CSMD1: variants seen among roughly 807,000 people sequenced by gnomAD.
CSMD1 encodes CUB and sushi domain-containing protein 1.
In CSMD1, 213 loss-of-function variants were observed where a neutral mutation model predicts 417.5. The observed-to-expected ratio is 0.51, with a 90% CI of 0.46 to 0.57. The LOEUF (loss-of-function observed/expected upper bound fraction) is 0.57. Ranked by LOEUF, CSMD1 falls within the 20% of genes least tolerant of loss-of-function variation. The probability of loss-of-function intolerance (pLI) is 0.00; values close to 1 mark genes in which losing one functional copy is unlikely to be tolerated. For synonymous variants in CSMD1, 2,862 were observed against 1,736.8 expected (o/e 1.65, Z -16.11); for missense variants, 6,923 against 4,529.7 (o/e 1.53, Z -15.17).
At chr8:3,047,505 G>T (rs1467276054) in intron 50 of CSMD1, among the ~76,000 whole-genome samples, 2 of 152,116 alleles carry the variant, frequency 1.3e-5, no homozygotes, top group Admixed American at 1.3e-4. Context: ...CTCAGTGAGG[G>T]GTTGCGAGTA....
intron 1 of CSMD1, among the ~76,000 whole-genome samples, chr8:4,855,617 G>A (rs1801752128): frequency 6.6e-6 from 1 of 152,220 alleles, no homozygotes; most frequent in Non-Finnish European, 1.5e-5. Context: ...CGTGAAGAAT[G>A]CAGAAGCCTC....
At chr8:4,317,131 T>C (rs1375714714) in intron 3 of CSMD1, among the ~76,000 whole-genome samples, 2 of 152,190 alleles carry the variant, frequency 1.3e-5, no homozygotes, top group Non-Finnish European at 2.9e-5. Context: ...ATCATCATCA[T>C]CTAAGGTTGA....
intron 5 of CSMD1, among the ~76,000 whole-genome samples, chr8:3,937,194 A>T (rs2129719985): frequency 6.6e-6 from 1 of 152,328 alleles, no homozygotes; most frequent in East Asian, 1.9e-4. Context: ...TGCTGTGAAC[A>T]TTGTTGAAAT....
chr8:4,076,836 G>T (rs924393911), intron 3 of CSMD1, among the ~76,000 whole-genome samples: 38 of 152,066 alleles, frequency 2.5e-4, no homozygotes, highest in African/African-American at 8.9e-4. Flanking sequence ...TGCTTTAACT[G>T]CTAACTTAAG....
At chr8:4,960,470 C>T (rs187507353) in intron 1 of CSMD1, among the ~76,000 whole-genome samples, 3 of 152,120 alleles carry the variant, frequency 2.0e-5, no homozygotes, top group African/African-American at 7.2e-5. Flanking sequence ...AAACAAAGTA[C>T]CAAACTAAGC....
intron 6 of CSMD1, among the ~76,000 whole-genome samples, chr8:3,736,374 T>G (rs1050633569): frequency 6.6e-6 from 1 of 152,024 alleles, no homozygotes; most frequent in Admixed American, 6.6e-5. Context: ...TCCAAGAAGC[T>G]GAGACACAGG....
At chr8:3,804,983 A>G (rs1379440524) in intron 5 of CSMD1, among the ~76,000 whole-genome samples, 5 of 152,144 alleles carry the variant, frequency 3.3e-5, no homozygotes, top group African/African-American at 1.2e-4. Flanking sequence ...TGTTCGTTCC[A>G]CTTTCACAGT....
At chr8:4,912,636 T>C (rs1026913617) in intron 1 of CSMD1, among the ~76,000 whole-genome samples, 11 of 152,312 alleles carry the variant, frequency 7.2e-5, no homozygotes, top group Admixed American at 5.9e-4. Flanking sequence ...CCTTTGTAAA[T>C]ACCTGTGACA....
At chr8:3,822,657 TTA>T (rs1801803770) in intron 5 of CSMD1, among the ~76,000 whole-genome samples, 1 of 152,166 alleles carries the variant, frequency 6.6e-6, no homozygotes, top group African/African-American at 2.4e-5. Context: ...CCGTCTTCAT[TTA>T]TGTCTTCTCA....
chr8:4,797,009 T>C (rs1229723644), intron 1 of CSMD1, among the ~76,000 whole-genome samples: 1 of 152,174 alleles, frequency 6.6e-6, no homozygotes, highest in Non-Finnish European at 1.5e-5. Flanking sequence ...GTACATCTTA[T>C]TCCATAAAGA....
chr8:3,918,269 G>C (rs1462134631), intron 5 of CSMD1, among the ~76,000 whole-genome samples: 1 of 151,918 alleles, frequency 6.6e-6, no homozygotes, highest in Non-Finnish European at 1.5e-5. Context: ...GTTGTTTTTA[G>C]CAGCCTACAA....
intron 3 of CSMD1, among the ~76,000 whole-genome samples, chr8:4,362,017 A>T (rs976720081): frequency 2.0e-5 from 3 of 152,146 alleles, no homozygotes; most frequent in Admixed American, 2.0e-4. Flanking sequence ...GATTAAGAAA[A>T]AGCAAGACAA....
intron 1 of CSMD1, among the ~76,000 whole-genome samples, chr8:4,732,682 T>C (rs898029723): frequency 3.9e-5 from 6 of 152,142 alleles, no homozygotes; most frequent in South Asian, 4.1e-4. Context: ...CCCAGCTGTA[T>C]CCTTGCTCTG....
In CSMD1 at chr8:3,860,326, C is replaced by T. The variant is rs1395372950; in HGVS notation, c.819-106284G>A. Among the ~76,000 whole-genome samples, 6 of 152,198 alleles carry T rather than the reference C, an allele frequency of 3.9e-5. 1 individual carries two copies. Among genetic ancestry groups the T allele is most frequent in the Admixed American group, 1.3e-4 (2 of 15,276 alleles). ...AAACAAAGATCTTTTAGAATTTCAA[C>T]ACAGCCAGCAAGTATAGGGCAATTT... is the stretch of plus-strand genomic sequence containing the variant. On this transcript the variant is annotated intron_variant, in intron 5 of 69. Coordinates refer to ENST00000635120, the MANE Select transcript of CSMD1 (RefSeq NM_033225.6).
intron 3 of CSMD1, among the ~76,000 whole-genome samples, chr8:4,130,304 T>G (rs900455781): frequency 6.6e-6 from 1 of 152,200 alleles, no homozygotes; most frequent in Non-Finnish European, 1.5e-5. Flanking sequence ...TATTCTGGTA[T>G]AATCCCCAAA....
intron 3 of CSMD1, among the ~76,000 whole-genome samples, chr8:4,271,512 G>A (rs1250123211): frequency 6.6e-6 from 1 of 151,490 alleles, no homozygotes; most frequent in Non-Finnish European, 1.5e-5. Context: ...AAAATCAGGA[G>A]ATCTAAAATG....
chr8:3,090,039 C>A (rs1033787395), intron 48 of CSMD1, among the ~76,000 whole-genome samples: 2 of 152,052 alleles, frequency 1.3e-5, no homozygotes, highest in Admixed American at 6.5e-5. Flanking sequence ...ATCGGCCGGG[C>A]GCGGTGGCTT....
intron 5 of CSMD1, among the ~76,000 whole-genome samples, chr8:3,873,195 T>C (rs1805597297): frequency 1.3e-5 from 2 of 152,142 alleles, no homozygotes; most frequent in African/African-American, 4.8e-5. Context: ...CAGCAATCCC[T>C]TTACTGGCTA....
intron 1 of CSMD1, among the ~76,000 whole-genome samples, chr8:4,875,330 C>G (rs1347784920): frequency 1.3e-5 from 2 of 151,912 alleles, no homozygotes; most frequent in Non-Finnish European, 2.9e-5. Context: ...TAATAACATG[C>G]GACGGTTATT....
Sources: gnomAD v4.1 joint callset for allele counts (sites outside exome capture counted in the v4.1 genomes callset) on GRCh38, gnomAD v4.1.1 for gene constraint, MANE v1.5 for transcripts, NCBI Gene and HGNC (gene_info 2026-07-23, HGNC 2026-07-21) for gene names.